CPSF2: variants seen among roughly 807,000 people sequenced by gnomAD.
CPSF2 encodes cleavage and polyadenylation specific factor 2.
In CPSF2, 51 loss-of-function variants were observed where a neutral mutation model predicts 84.2. That is an observed-to-expected ratio of 0.61 (90% CI 0.48 to 0.77). CPSF2 has a LOEUF of 0.77. Among genes scored for constraint, CPSF2 ranks in the 30% least tolerant of loss-of-function variants. The pLI, the probability that CPSF2 is intolerant of heterozygous loss-of-function variation, is 0.00. For missense variants in CPSF2, 641 were observed against 929.4 expected (o/e 0.69, Z 4.03); for synonymous variants, 286 against 311.9 (o/e 0.92, Z 0.87).
intron 6 of CPSF2, among the ~76,000 whole-genome samples, chr14:92,135,910 G>A (rs2068992715): frequency 6.6e-6 from 1 of 152,178 alleles, no homozygotes; most frequent in South Asian, 2.1e-4. Flanking sequence ...CCCACATGTT[G>A]TGGGTGGGAC....
intron 8 of CPSF2, 27 bp downstream of exon 8, chr14:92,142,378 T>C: frequency 6.4e-7 from 1 of 1,573,742 alleles, no homozygotes; most frequent in African/African-American, 1.4e-5. Context: ...TCACTTGTAA[T>C]AAGTTTGCTA....
chr14:92,158,852 G>A, intron 13 of CPSF2, 131 bp from the exon 14 acceptor site: 1 of 761,890 alleles, frequency 1.3e-6, no homozygotes, highest in Non-Finnish European at 2.0e-6. Context: ...GGTCATTGTG[G>A]GACTCAGATG....
intron 13 of CPSF2, 68 bp from the exon 14 acceptor site, chr14:92,158,915 G>C: frequency 1.5e-6 from 2 of 1,346,708 alleles, no homozygotes; most frequent in Admixed American, 4.5e-5. Flanking sequence ...AATGATAATA[G>C]GTTATATTTA....
chr14:92,146,893 A>T (rs1041498191), intron 9 of CPSF2, among the ~76,000 whole-genome samples: 16 of 152,088 alleles, frequency 1.1e-4, no homozygotes, highest in Non-Finnish European at 2.9e-5. Context: ...TCTTCTGCCT[A>T]TAGTGTTCTT....
chr14:92,151,077 A>G (rs967516008), intron 9 of CPSF2, among the ~76,000 whole-genome samples: 1 of 152,190 alleles, frequency 6.6e-6, no homozygotes, highest in East Asian at 1.9e-4. Flanking sequence ...AATAATGCAC[A>G]AATTAAAAGA....
chr14:92,129,361 C>T (rs1296848433), intron 2 of CPSF2, among the ~76,000 whole-genome samples: 4 of 152,108 alleles, frequency 2.6e-5, no homozygotes, highest in East Asian at 3.9e-4. Context: ...TACTGGGAGA[C>T]GTACACATCG....
chr14:92,129,797 C>T (rs1434881499), intron 2 of CPSF2, among the ~76,000 whole-genome samples: 1 of 152,102 alleles, frequency 6.6e-6, no homozygotes, highest in Non-Finnish European at 1.5e-5. Context: ...ACTCTGTGCC[C>T]AGTCTAGTGG....
chr14:92,152,707 A>G (rs928716883), intron 9 of CPSF2, among the ~76,000 whole-genome samples: 1 of 152,076 alleles, frequency 6.6e-6, no homozygotes, highest in Non-Finnish European at 1.5e-5. Context: ...CCAAAGTACT[A>G]GGATTACAGG....
intron 3 of CPSF2, among the ~76,000 whole-genome samples, chr14:92,133,671 G>T (rs975593628): frequency 2.7e-4 from 37 of 134,984 alleles, no homozygotes; most frequent in African/African-American, 9.1e-4. Context: ...TTGCCATGTT[G>T]CCCAGGCTGA....
intron 6 of CPSF2, among the ~76,000 whole-genome samples, chr14:92,137,020 T>TAA (rs55753639): frequency 2.1e-5 from 3 of 144,024 alleles, no homozygotes; most frequent in South Asian, 2.2e-4. Flanking sequence ...AAACAACAAA[T>TAA]AAAAAAAAAA....
At chr14:92,128,317 G>T (rs540778480) in intron 2 of CPSF2, among the ~76,000 whole-genome samples, 1 of 151,826 alleles carries the variant, frequency 6.6e-6, no homozygotes, top group Non-Finnish European at 1.5e-5. Flanking sequence ...GTGAAACTCC[G>T]TCTCTACCAA....
In CPSF2 at chr14:92,162,324, A is replaced by T. The variant is rs1184153426; in HGVS notation, c.*580A>T. 1 of 152,640 alleles carries T rather than the reference A, an allele frequency of 6.6e-6. No individual in the cohort carries two copies. Among genetic ancestry groups the T allele is most frequent in the Non-Finnish European group, 1.5e-5 (1 of 68,036 alleles). 9.5% of individuals were successfully genotyped at this position (152,640 alleles called of 1,614,324 possible). Reference sequence around the variant, plus strand: ...GATTTACTCTAGGGTAAGGTAGTACACATTTGGTTCAGAAATTAATTTTTA... The same window carrying T: ...GATTTACTCTAGGGTAAGGTAGTACTCATTTGGTTCAGAAATTAATTTTTA... On this transcript the variant is annotated 3_prime_UTR_variant, in exon 16 of 16. Coordinates refer to ENST00000298875, the MANE Select transcript of CPSF2 (RefSeq NM_017437.3).
At chr14:92,122,919 G>A (rs1366241066) in intron 1 of CPSF2, among the ~76,000 whole-genome samples, 1 of 150,386 alleles carries the variant, frequency 6.6e-6, no homozygotes, top group African/African-American at 2.5e-5. Context: ...GAACTCCTGG[G>A]CTCAAGAGAT....
rs117343569 is a variant in CPSF2 at position 92,124,278 on chromosome 14, T to C, written c.-93-1844T>C. Reference sequence around the variant, plus strand: ...TGTGCAAGGAGTGAGCAGGAGGATATTTGTTTTTTTAGGATGGTCTCTGAC... The same window carrying C: ...TGTGCAAGGAGTGAGCAGGAGGATACTTGTTTTTTTAGGATGGTCTCTGAC... On this transcript the variant is annotated intron_variant, in intron 1 of 15. Transcript: ENST00000298875. Among the ~76,000 whole-genome samples, 355 of 152,284 alleles carry C rather than the reference T, an allele frequency of 2.3e-3. 13 individuals carry two copies. In the East Asian group the frequency reaches 0.031, roughly 13 times the overall value.
chr14:92,136,222 GTTACA>G (rs746363046), intron 6 of CPSF2, among the ~76,000 whole-genome samples: 17 of 152,042 alleles, frequency 1.1e-4, no homozygotes, highest in African/African-American at 1.7e-4. Context: ...GCTATTTTGT[GTTACA>G]TTACAATAGT....
chr14:92,139,078 C>T (rs1354500974), intron 7 of CPSF2, among the ~76,000 whole-genome samples: 1 of 152,110 alleles, frequency 6.6e-6, no homozygotes, highest in Non-Finnish European at 1.5e-5. Context: ...TGGCATATGT[C>T]TGTATGTAAA....
intron 7 of CPSF2, among the ~76,000 whole-genome samples, chr14:92,138,725 C>G (rs923603264): frequency 6.6e-6 from 1 of 152,152 alleles, no homozygotes; most frequent in South Asian, 2.1e-4. Flanking sequence ...CCACCACGCC[C>G]GGCCACAAGT....
chr14:92,142,474 C>G lies in CPSF2; in HGVS notation c.849+123C>G, dbSNP rs375663579. 11 of 718,244 alleles carry G rather than the reference C, an allele frequency of 1.5e-5. No individual in the cohort carries two copies. The African/African-American group carries it at 1.8e-4, about 12-fold the overall frequency. 44.5% of individuals were successfully genotyped at this position (718,244 alleles called of 1,614,324 possible). On this transcript the variant is annotated intron_variant, in intron 8 of 15. Coordinates refer to ENST00000298875, the MANE Select transcript of CPSF2 (RefSeq NM_017437.3). ...GAAGAGATTGTTAATAAGATGATAA[C>G]TTGGCATTAACCATTTACTGTCCTG... is the stretch of plus-strand genomic sequence containing the variant.
At chr14:92,130,891 T>C in intron 2 of CPSF2, 60 bp from the exon 3 acceptor site, 1 of 1,028,188 alleles carries the variant, frequency 9.7e-7, no homozygotes, top group Middle Eastern at 2.5e-4. Context: ...AATCAATTTG[T>C]TTATTATATA....
Sources: allele counts gnomAD v4.1 joint callset (sites outside exome capture counted in the v4.1 genomes callset), GRCh38; gene constraint gnomAD v4.1.1; transcripts MANE v1.5; gene names NCBI Gene and HGNC (gene_info 2026-07-23, HGNC 2026-07-21).